Variants in SUGCT observed in about 807,000 individuals in gnomAD.
The protein encoded by SUGCT is succinyl-CoA:glutarate-CoA transferase, also known as succinyl-CoA:glutarate CoA-transferase.
Under a neutral mutation model 55.0 loss-of-function variants are expected in SUGCT, and 41 were observed. The observed-to-expected ratio is 0.74, with a 90% CI of 0.58 to 0.97. The LOEUF is 0.97. SUGCT is among the 50% of genes least tolerant of loss of function. The pLI, the probability that SUGCT is intolerant of heterozygous loss-of-function variation, is 0.00. For missense variants in SUGCT, 568 were observed against 547.8 expected, an observed-to-expected ratio of 1.04 and a Z score of -0.37; for synonymous variants, 187 against 200.4, an observed-to-expected ratio of 0.93 and a Z score of 0.56.
At chr7:40,339,693 C>T (rs573779499) in intron 9 of SUGCT, among the ~76,000 whole-genome samples, 1 of 152,332 alleles carries the variant, frequency 6.6e-6, no homozygotes, top group Non-Finnish European at 1.5e-5. Context: ...CTTGCGCTTC[C>T]TGGGTGAGGT....
chr7:40,655,892 G>A (rs1196347833), intron 12 of SUGCT, among the ~76,000 whole-genome samples: 1 of 152,108 alleles, frequency 6.6e-6, no homozygotes, highest in Non-Finnish European at 1.5e-5. Context: ...GTTTTAGGTT[G>A]TAGGCTATAT....
chr7:40,622,695 A>ATG (rs371104444), intron 12 of SUGCT, among the ~76,000 whole-genome samples: 2 of 151,186 alleles, frequency 1.3e-5, no homozygotes, highest in South Asian at 2.1e-4. Flanking sequence ...ACTTAATAGG[A>ATG]TGTGTGTGTG....
intron 12 of SUGCT, among the ~76,000 whole-genome samples, chr7:40,736,426 T>C (rs1192871647): frequency 6.6e-6 from 1 of 151,496 alleles, no homozygotes; most frequent in Non-Finnish European, 1.5e-5. Flanking sequence ...TTAGGAATTT[T>C]CCAAAACTTT....
chr7:40,702,316 C>T (rs1785201254), intron 12 of SUGCT, among the ~76,000 whole-genome samples: 2 of 152,186 alleles, frequency 1.3e-5, no homozygotes, highest in South Asian at 4.1e-4. Flanking sequence ...CTCACTGTGT[C>T]AAAGGATTTC....
intron 9 of SUGCT, among the ~76,000 whole-genome samples, chr7:40,413,489 A>C (rs1451894786): frequency 6.6e-6 from 1 of 152,228 alleles, no homozygotes; most frequent in Non-Finnish European, 1.5e-5. Flanking sequence ...CATGTACTTT[A>C]AGAAAATAGA....
chr7:40,754,750 C>A (rs1788175597), intron 13 of SUGCT, among the ~76,000 whole-genome samples: 1 of 152,216 alleles, frequency 6.6e-6, no homozygotes, highest in South Asian at 2.1e-4. Flanking sequence ...AATGTTGAAT[C>A]TGTGAGTGGT....
intron 7 of SUGCT, among the ~76,000 whole-genome samples, chr7:40,258,529 C>G (rs1790981135): frequency 6.6e-6 from 1 of 152,150 alleles, no homozygotes. Context: ...CAGGAGTGTG[C>G]AACCATCTCC....
intron 8 of SUGCT, among the ~76,000 whole-genome samples, chr7:40,314,026 C>A (rs1795297176): frequency 6.6e-6 from 1 of 152,142 alleles, no homozygotes; most frequent in Non-Finnish European, 1.5e-5. Context: ...ATATAGTATT[C>A]TACTTGCAAA....
At chr7:40,502,464 A>G (rs1355425570) in intron 12 of SUGCT, among the ~76,000 whole-genome samples, 2 of 152,080 alleles carry the variant, frequency 1.3e-5, no homozygotes, top group Non-Finnish European at 2.9e-5. Flanking sequence ...TAAATTGTGT[A>G]ATGGGCAAAT....
chr7:40,428,135 T>A (rs1787691574), intron 9 of SUGCT, among the ~76,000 whole-genome samples: 1 of 152,208 alleles, frequency 6.6e-6, no homozygotes, highest in South Asian at 2.1e-4. Flanking sequence ...TCCTTCTCTG[T>A]CTCTTGTGAC....
intron 9 of SUGCT, among the ~76,000 whole-genome samples, chr7:40,359,237 T>C (rs568668252): frequency 6.6e-6 from 1 of 152,314 alleles, no homozygotes; most frequent in Admixed American, 6.5e-5. Context: ...AGAGTTTTGC[T>C]CTTGTTGCCT....
In SUGCT at chr7:40,599,519, T is replaced by C. The variant is rs571290880; in HGVS notation, c.1089+103133T>C. ...TTTTATAAGAGTTCCTGTATGAGCA[T>C]GATTCTGGGTAATATAAGTCACCTT... On this transcript the variant is annotated intron_variant, in intron 12 of 13. Coordinates refer to ENST00000335693, the MANE Select transcript of SUGCT (RefSeq NM_001193313.2). Among the ~76,000 whole-genome samples the C allele has an allele frequency of 9.8e-4, 149 of 152,268 alleles. 1 individual carries two copies. Among genetic ancestry groups the C allele is most frequent in the African/African-American group, 3.4e-3 (142 of 41,554 alleles).
rs138187276 is a variant in SUGCT, at chr7:40,200,355, A to T, written c.484+5295A>T. Among the ~76,000 whole-genome samples, 142 of 152,302 alleles carry T rather than the reference A, an allele frequency of 9.3e-4. 1 individual carries two copies. The East Asian group carries it at 0.024, about 25-fold the overall frequency. On this transcript the variant is annotated intron_variant, in intron 6 of 13. Coordinates refer to ENST00000335693, the MANE Select transcript of SUGCT (RefSeq NM_001193313.2). ...TGTATTAGCAAACTATACTATTATG[A>T]AAGAATGAAATAGTACTGTGGTGGA...
chr7:40,796,018 T>A (rs575623627), intron 13 of SUGCT, among the ~76,000 whole-genome samples: 60 of 152,308 alleles, frequency 3.9e-4, no homozygotes, highest in African/African-American at 1.4e-3. Context: ...TTTCTTTTTC[T>A]TTCTTTCTTT....
intron 12 of SUGCT, among the ~76,000 whole-genome samples, chr7:40,590,259 G>C (rs1166313240): frequency 2.0e-5 from 3 of 152,064 alleles, no homozygotes; most frequent in Non-Finnish European, 4.4e-5. Context: ...CCTGAAAGAC[G>C]ATAATATTAA....
the SUGCT span, among the ~76,000 whole-genome samples, chr7:40,925,430 T>A: frequency 1.3e-5 from 2 of 152,204 alleles, no homozygotes; most frequent in Non-Finnish European, 2.9e-5. Flanking sequence ...TCCTCCTCAG[T>A]TGTCCACATG....
At chr7:40,474,546 G>A (rs1790557574) in intron 11 of SUGCT, among the ~76,000 whole-genome samples, 1 of 152,182 alleles carries the variant, frequency 6.6e-6, no homozygotes, top group African/African-American at 2.4e-5. Context: ...CACATGCAAA[G>A]AAGAGGTGCA....
chr7:40,683,551 A>G (rs1479269365), intron 12 of SUGCT, among the ~76,000 whole-genome samples: 1 of 152,136 alleles, frequency 6.6e-6, no homozygotes, highest in Non-Finnish European at 1.5e-5. Flanking sequence ...TCCCTTTCCC[A>G]CTGTGGGAAT....
chr7:40,458,820 C>G (rs530981831), intron 10 of SUGCT, among the ~76,000 whole-genome samples: 20 of 152,106 alleles, frequency 1.3e-4, no homozygotes, highest in Non-Finnish European at 1.9e-4. Context: ...TTCCTATATT[C>G]TCATATTTGG....
Sources: allele counts gnomAD v4.1 joint callset (sites outside exome capture counted in the v4.1 genomes callset), GRCh38; gene constraint gnomAD v4.1.1; transcripts MANE v1.5; gene names NCBI Gene and HGNC (gene_info 2026-07-23, HGNC 2026-07-21).